Variants in DIS3L2 observed in about 807,000 individuals in gnomAD.
DIS3L2 encodes DIS3 like 3'-5' exoribonuclease 2.
A neutral mutation model predicts 97.5 loss-of-function variants in DIS3L2; 34 were observed. That is an observed-to-expected ratio of 0.35 (90% CI 0.27 to 0.46). The LOEUF (loss-of-function observed/expected upper bound fraction) is 0.46. DIS3L2 is among the 20% of genes least tolerant of loss of function. The pLI is 1.00. For synonymous variants in DIS3L2, 435 were observed against 445.2 expected, an observed-to-expected ratio of 0.98 and a Z score of 0.29; for missense variants, 1,038 against 1,146.0, an observed-to-expected ratio of 0.91 and a Z score of 1.36.
At chr2:232,337,641 C>T (rs114702424), downstream of DIS3L2, among the ~76,000 whole-genome samples, 2,085 of 152,006 alleles carry the variant, frequency 0.014, 32 homozygotes, top group African/African-American at 0.039. Flanking sequence ...GCTTGGCGTC[C>T]CCGAGAGCTG....
intron 9 of DIS3L2, chr2:232,198,848 A>G (rs537895184): frequency 2.6e-5 from 4 of 152,314 alleles, no homozygotes; most frequent in Non-Finnish European, 4.4e-5. Context: ...CGTTACTTCT[A>G]CACCTCCTTT....
At chr2:232,089,451 G>A (rs1420483689) in intron 6 of DIS3L2, among the ~76,000 whole-genome samples, 2 of 151,992 alleles carry the variant, frequency 1.3e-5, no homozygotes, top group African/African-American at 4.8e-5. Flanking sequence ...AAAAATAGTC[G>A]AATACTGTGA....
intron 5 of DIS3L2, among the ~76,000 whole-genome samples, chr2:232,072,630 A>G (rs543688424): frequency 6.6e-6 from 1 of 152,222 alleles, no homozygotes; most frequent in South Asian, 2.1e-4. Flanking sequence ...TCACTCTGTT[A>G]TGTTGGGAAT....
chr2:232,002,599 A>G (rs965086801), intron 1 of DIS3L2, among the ~76,000 whole-genome samples: 1 of 152,098 alleles, frequency 6.6e-6, no homozygotes, highest in Non-Finnish European at 1.5e-5. Flanking sequence ...TTTGAATTGC[A>G]TTTTTAGGCC....
intron 1 of DIS3L2, among the ~76,000 whole-genome samples, chr2:231,988,516 C>T (rs1193919112): frequency 1.3e-5 from 2 of 152,184 alleles, no homozygotes; most frequent in African/African-American, 4.8e-5. Context: ...TTTGTGTCCT[C>T]CATTCCTCCA....
intron 5 of DIS3L2, among the ~76,000 whole-genome samples, chr2:232,067,819 A>G (rs1220395137): frequency 1.3e-5 from 2 of 152,160 alleles, no homozygotes; most frequent in Non-Finnish European, 2.9e-5. Flanking sequence ...TAATCATTAT[A>G]TTTTACTAAT....
intron 9 of DIS3L2, among the ~76,000 whole-genome samples, chr2:232,168,740 C>T (rs538992703): frequency 3.9e-5 from 6 of 152,230 alleles, no homozygotes; most frequent in Admixed American, 2.6e-4. Flanking sequence ...TATGTAGTGT[C>T]AGTTAATTCC....
chr2:232,263,527 T>TCTTC, intron 13 of DIS3L2, 87 bp downstream of exon 13: 2 of 1,295,272 alleles, frequency 1.5e-6, no homozygotes, highest in South Asian at 2.6e-5. Context: ...AGGCTTAGAC[T>TCTTC]CTTCCTTCCT....
intron 13 of DIS3L2, among the ~76,000 whole-genome samples, chr2:232,296,552 C>G (rs1345558987): frequency 6.6e-6 from 1 of 152,138 alleles, no homozygotes; most frequent in Non-Finnish European, 1.5e-5. Context: ...TGGGCTTTCC[C>G]TGTGCTGTTC....
In DIS3L2 at chr2:232,116,071, CTGAGACACAGGAATCACT is replaced by C. The variant is rs528444055; in HGVS notation, c.602-14544_602-14527del. ...CTTGTAATCCCAGCTACTCAGGAGGCTGAGACACAGGAATCACTTGAACTCTGGAGGTGGAGATTGCAG... is the reference window on the plus strand; with the variant it reads ...CTTGTAATCCCAGCTACTCAGGAGGCTGAACTCTGGAGGTGGAGATTGCAG... On this transcript the variant is annotated intron_variant, in intron 6 of 20. Transcript: ENST00000325385. 1.6e-3 allele frequency among the ~76,000 whole-genome samples: 240 copies of C among 152,138 alleles called. 2 individuals are homozygous for C. The highest frequency in any genetic ancestry group is 5.4e-3 in the African/African-American group (226 of 41,468).
chr2:232,086,655 A>G (rs1001177002), intron 5 of DIS3L2, among the ~76,000 whole-genome samples: 3 of 50,590 alleles, frequency 5.9e-5, no homozygotes, highest in East Asian at 5.5e-4. Context: ...GTATATATAT[A>G]TATATGTGTG....
intron 1 of DIS3L2, among the ~76,000 whole-genome samples, chr2:231,971,071 T>C (rs1303814087): frequency 6.6e-6 from 1 of 152,236 alleles, no homozygotes; most frequent in Non-Finnish European, 1.5e-5. Context: ...AGTACATGCA[T>C]GGAGCTGTCA....
At chr2:232,111,240 A>G (rs1697521663) in intron 6 of DIS3L2, 1 of 471,314 alleles carries the variant, frequency 2.1e-6, no homozygotes, top group Non-Finnish European at 4.4e-6. Context: ...CTTATCCAGT[A>G]TCCCACAGGA....
At chr2:232,279,297 G>GT (rs1228432630) in intron 13 of DIS3L2, among the ~76,000 whole-genome samples, 1 of 152,070 alleles carries the variant, frequency 6.6e-6, no homozygotes, top group Non-Finnish European at 1.5e-5. Flanking sequence ...TATTTGTTTT[G>GT]TTTTTTAGGT....
Position 232,335,789 on chromosome 2 carries a change from C to T in DIS3L2, c.2411C>T (p.Ser804Phe), listed in dbSNP as rs2106356264. 7 of 1,550,542 alleles carry T rather than the reference C, an allele frequency of 4.5e-6. No homozygotes were observed. The highest frequency in any genetic ancestry group is 5.2e-6 in the Non-Finnish European group (6 of 1,146,984). Residue 804 changes from serine to phenylalanine, a missense_variant, in exon 20 of 21, where the codon TCC (serine) becomes TTC (phenylalanine). Physicochemically the swap from Ser to Phe is radical, Grantham distance 155 (BLOSUM62 -2). Around this residue, in one of 3 missense-constraint regions of DIS3L2, gnomAD observed 221 missense variants for 246.9 expected, o/e 0.90. Coordinates refer to ENST00000325385, the MANE Select transcript of DIS3L2 (RefSeq NM_152383.5). ...GCACTCCAGGCACTGGCCCTGCGGTCCCACCACTTCCAGAAGGTGGGCAAG... is the reference window on the plus strand; with the variant it reads ...GCACTCCAGGCACTGGCCCTGCGGTTCCACCACTTCCAGAAGGTGGGCAAG... ...RIYCNALALRSHHFQKVGKKP... is the reference protein window; with the variant it reads ...RIYCNALALRFHHFQKVGKKP...
rs115098596 is a variant in DIS3L2, at chr2:232,086,316, T to C, written c.367-1171T>C. Among the ~76,000 whole-genome samples, 8 of 147,772 alleles carry C rather than the reference T, an allele frequency of 5.4e-5. No individual in the cohort carries two copies. The East Asian group carries it at 7.8e-4, about 14-fold the overall frequency. ...GTATACATATATACATATGTATATGTATATGCATATGCATATGTATATATA... is the reference window on the plus strand; with the variant it reads ...GTATACATATATACATATGTATATGCATATGCATATGCATATGTATATATA... On this transcript the variant is annotated intron_variant, in intron 5 of 20. Transcript: ENST00000325385.
chr2:232,267,316 T>A (rs187136020), intron 13 of DIS3L2, among the ~76,000 whole-genome samples: 1 of 152,346 alleles, frequency 6.6e-6, no homozygotes, highest in African/African-American at 2.4e-5. Flanking sequence ...CTGCTCCAAA[T>A]GTCTCCTTTA....
intron 9 of DIS3L2, among the ~76,000 whole-genome samples, chr2:232,191,975 C>G (rs886137593): frequency 1.3e-5 from 2 of 152,112 alleles, no homozygotes; most frequent in Non-Finnish European, 2.9e-5. Context: ...AGGCACTCAC[C>G]GAACATCCCT....
chr2:232,211,280 G>C (rs1199793656), intron 10 of DIS3L2, among the ~76,000 whole-genome samples: 1 of 150,872 alleles, frequency 6.6e-6, no homozygotes, highest in African/African-American at 2.4e-5. Context: ...AAGTAGCTGA[G>C]ACTACAGGTG....
Sources: allele counts gnomAD v4.1 joint callset (sites outside exome capture counted in the v4.1 genomes callset), GRCh38; gene constraint gnomAD v4.1.1; regional missense constraint gnomAD v4.1.1; transcripts MANE v1.5; gene names NCBI Gene and HGNC (gene_info 2026-07-23, HGNC 2026-07-21).